Variants in EFHC2 observed in about 807,000 individuals in gnomAD.
EFHC2 encodes EF-hand domain containing 2, also known as EF-hand domain-containing family member C2.
Under a neutral mutation model 52.7 loss-of-function variants are expected in EFHC2, and 18 were observed. That is an observed-to-expected ratio of 0.34 (90% CI 0.24 to 0.51). The LOEUF (loss-of-function observed/expected upper bound fraction) is 0.51, where lower values mean the gene tolerates loss of function less well. Ranked by LOEUF, EFHC2 falls within the 20% of genes least tolerant of loss-of-function variation. The probability of loss-of-function intolerance (pLI) is 0.97; values close to 1 mark genes in which losing one functional copy is unlikely to be tolerated. For synonymous variants in EFHC2, 203 were observed against 204.1 expected (o/e 0.99, Z 0.04); for missense variants, 513 against 562.5 (o/e 0.91, Z 0.89).
intron 2 of EFHC2, chrX:44,309,777 G>A (rs2037932399): frequency 1.4e-5 from 14 of 1,001,466 alleles, no homozygotes; most frequent in East Asian, 9.1e-5. Context: ...CAGAAAAGAA[G>A]ATGCCTTCTA....
At chrX:44,294,625 C>G (rs1205916215) in intron 2 of EFHC2, among the ~76,000 whole-genome samples, 2 of 111,442 alleles carry the variant, frequency 1.8e-5, no homozygotes, top group Non-Finnish European at 3.8e-5. Flanking sequence ...ACCAAACCAG[C>G]CACAGAATAC....
chrX:44,224,903 G>A (rs996240327), intron 11 of EFHC2, among the ~76,000 whole-genome samples: 7 of 97,564 alleles, frequency 7.2e-5, no homozygotes, highest in South Asian at 4.5e-4. Context: ...TTGGCATTGG[G>A]CTCTCAGTGC....
chrX:44,246,574 A>G (rs1046031928), intron 7 of EFHC2, among the ~76,000 whole-genome samples: 2 of 111,866 alleles, frequency 1.8e-5, no homozygotes, highest in African/African-American at 6.5e-5. Context: ...ACAGAAAGAA[A>G]TTAGCACAAG....
chrX:44,169,722 T>TACAC (rs10642638), intron 13 of EFHC2, among the ~76,000 whole-genome samples: 1,666 of 102,901 alleles, frequency 0.016, 50 homozygotes, highest in Admixed American at 0.093. Flanking sequence ...TAGCTACACA[T>TACAC]ACACACACAC....
At chrX:44,183,195 C>A (rs2036848620) in intron 11 of EFHC2, among the ~76,000 whole-genome samples, 1 of 111,917 alleles carries the variant, frequency 8.9e-6, no homozygotes, top group South Asian at 3.8e-4. Context: ...AGGCATACAA[C>A]AAAATCTAGT....
intron 4 of EFHC2, among the ~76,000 whole-genome samples, chrX:44,251,477 A>G (rs1305343813): frequency 5.1e-5 from 5 of 97,172 alleles, no homozygotes; most frequent in African/African-American, 1.5e-4. Flanking sequence ...GGCAGGTGCC[A>G]GTAATCCCAG....
chrX:44,299,554 C>T (rs2037853434), intron 2 of EFHC2, among the ~76,000 whole-genome samples: 1 of 111,460 alleles, frequency 9.0e-6, no homozygotes, highest in Non-Finnish European at 1.9e-5. Context: ...TGTGTTGGCC[C>T]GCCTTTCCAG....
intron 2 of EFHC2, among the ~76,000 whole-genome samples, chrX:44,296,384 A>C (rs1406775149): frequency 8.9e-6 from 1 of 112,449 alleles, no homozygotes; most frequent in Non-Finnish European, 1.9e-5. Context: ...TGTAAATATA[A>C]ATGCAAAAAT....
chrX:44,182,987 A>G (rs1019203188), intron 11 of EFHC2, among the ~76,000 whole-genome samples: 3 of 111,857 alleles, frequency 2.7e-5, no homozygotes, highest in African/African-American at 9.7e-5. Context: ...ATGAAACGCT[A>G]AACAGCTTTA....
At chrX:44,248,654 T>C (rs2037418661) in intron 6 of EFHC2, 149 bp downstream of exon 6, 1 of 531,398 alleles carries the variant, frequency 1.9e-6, no homozygotes, top group Non-Finnish European at 3.1e-6. Context: ...AGCATGTTTA[T>C]TACTGATAAA....
chrX:44,173,654 C>T (rs2036762506), intron 13 of EFHC2, among the ~76,000 whole-genome samples: 1 of 112,027 alleles, frequency 8.9e-6, no homozygotes, highest in South Asian at 3.7e-4. Flanking sequence ...CAAAGTTAGA[C>T]TGAACATGGT....
chrX:44,330,085 C>CAAAAAAA (rs34888507), intron 1 of EFHC2, among the ~76,000 whole-genome samples: 3 of 46,363 alleles, frequency 6.5e-5, no homozygotes, highest in African/African-American at 2.8e-4. Flanking sequence ...CCTGTCTCTA[C>CAAAAAAA]AAAAAAAAAA....
intron 1 of EFHC2, among the ~76,000 whole-genome samples, chrX:44,326,446 G>T (rs964285374): frequency 1.3e-4 from 14 of 110,663 alleles, no homozygotes; most frequent in South Asian, 1.1e-3. Flanking sequence ...TGCCTGATTT[G>T]CTCATTACAC....
rs1278065685 is a variant in EFHC2 at position 44,148,559 on chromosome X, A to T, written c.*236T>A. 1.3e-5 allele frequency: 4 copies of T among 315,773 alleles called. No individual in the cohort carries two copies. Among genetic ancestry groups the T allele is most frequent in the Non-Finnish European group, 2.2e-5 (4 of 184,852 alleles). 26.0% of individuals were successfully genotyped at this position (315,773 alleles called of 1,213,427 possible). ...TTTTTGGTATTAATAAACCATACAT[A>T]TAATAAAAATATTCAACATGTTTTA... On this transcript the variant is annotated 3_prime_UTR_variant, in exon 15 of 15. Transcript: ENST00000420999.
intron 11 of EFHC2, among the ~76,000 whole-genome samples, chrX:44,186,961 G>A (rs1277809535): frequency 2.8e-5 from 3 of 106,586 alleles, no homozygotes; most frequent in South Asian, 4.2e-4. Flanking sequence ...CTACCAAAAC[G>A]TTAAAAAATT....
chrX:44,156,268 T>G (rs5906731), intron 14 of EFHC2, among the ~76,000 whole-genome samples: 38,913 of 111,302 alleles, frequency 0.35, 4,997 homozygotes, highest in Middle Eastern at 0.42. Flanking sequence ...TGCCAGTTAT[T>G]TTTTAAGTCT....
chrX:44,183,530 G>A (rs1474497540), intron 11 of EFHC2, among the ~76,000 whole-genome samples: 1 of 112,237 alleles, frequency 8.9e-6, no homozygotes, highest in Non-Finnish European at 1.9e-5. Context: ...TGTGTCAGAG[G>A]AAGGAGAGAT....
chrX:44,315,038 G>A (rs1273271396), intron 1 of EFHC2, among the ~76,000 whole-genome samples: 2 of 111,389 alleles, frequency 1.8e-5, no homozygotes, highest in Non-Finnish European at 3.8e-5. Context: ...TGATTGGATC[G>A]TGGGGGCAGA....
chrX:44,250,825 GAAAAAAAA>G (rs752731813), intron 4 of EFHC2, among the ~76,000 whole-genome samples: 1 of 46,982 alleles, frequency 2.1e-5, no homozygotes, highest in Admixed American at 2.4e-4. Flanking sequence ...ACTCCATTTC[GAAAAAAAA>G]AAAAAAAAAG....
Sources: allele counts gnomAD v4.1 joint callset (sites outside exome capture counted in the v4.1 genomes callset), GRCh38; gene constraint gnomAD v4.1.1; transcripts MANE v1.5; gene names NCBI Gene and HGNC (gene_info 2026-07-23, HGNC 2026-07-21).